OR13A1: variants seen among roughly 807,000 people sequenced by gnomAD.
OR13A1 encodes the protein olfactory receptor 13A1.
In OR13A1, 10 loss-of-function variants were observed where a neutral mutation model predicts 7.5. That is an observed-to-expected ratio of 1.34 (90% CI 0.83 to 2.27). OR13A1 has a LOEUF of 2.27. OR13A1 is among the 30% of genes most tolerant of loss of function. OR13A1 has a pLI of 0.00. For missense variants in OR13A1, 509 were observed against 419.1 expected (o/e 1.21, Z -1.87); for synonymous variants, 238 against 177.9 (o/e 1.34, Z -2.69).
chr10:45,304,099 G>C lies in OR13A1; in HGVS notation c.324C>G (p.Ser108Arg). Residue 108 changes from serine to arginine, a missense_variant, in exon 4 of 4, where the codon AGC (serine) becomes AGG (arginine). Ser to Arg is a moderately radical substitution (Grantham distance 110, BLOSUM62 -1). Coordinates refer to ENST00000553795, the MANE Select transcript of OR13A1 (RefSeq NM_001004297.3). ...CCATGCAGCCCCCGTAGGAGATGGA[G>C]CTCTCTTCCGACACCAGACTGGCCA... is the stretch of plus-strand genomic sequence containing the variant. ...KALASLVSEE[S>R]SISYGGCMAQ... 3 of 1,614,126 alleles carry C rather than the reference G, an allele frequency of 1.9e-6. No individual in the cohort carries two copies. Among genetic ancestry groups the C allele is most frequent in the Non-Finnish European group, 1.7e-6 (2 of 1,179,992 alleles).
chr10:45,303,746 A>G lies in OR13A1; in HGVS notation c.677T>C (p.Ile226Thr). The change falls in exon 4 of 4, where the codon ATA becomes ACA. Residue 226 changes from isoleucine (I) to threonine (T), a missense_variant. Transcript: ENST00000553795. ...MIVLADAFYG[I>T]VNFLMTIASY... is the part of the protein sequence containing the mutation. ...CGCGATGGTCATCAGGAAGTTCACT[A>G]TGCCGTAGAAAGCATCCGCCAGGAC... The G allele has an allele frequency of 6.2e-7, 1 of 1,614,182 alleles. No homozygotes were observed.
At chr10:45,315,502 A>G (rs1838507003) in intron 1 of OR13A1, 22 bp downstream of exon 1, 1 of 152,184 alleles carries the variant, frequency 6.6e-6, no homozygotes, top group Non-Finnish European at 1.5e-5. Flanking sequence ...GCCATATATG[A>G]AAAATCCACA....
At position 45,306,467 on chromosome 10, in the gene OR13A1, A is replaced by T. The variant is rs1838333713; in HGVS notation, c.-13+959T>A. Reference sequence around the variant, plus strand: ...GACTCCGTCTCAAAAAAAAAAAAAAAAGTTAACGAAGATATTCATTTTAAA... The same window carrying T: ...GACTCCGTCTCAAAAAAAAAAAAAATAGTTAACGAAGATATTCATTTTAAA... On this transcript the variant is annotated intron_variant, in intron 3 of 3. Coordinates refer to ENST00000553795, the MANE Select transcript of OR13A1 (RefSeq NM_001004297.3). Among the ~76,000 whole-genome samples, 3 of 136,332 alleles carry T rather than the reference A, an allele frequency of 2.2e-5. No individual in the cohort carries two copies. In the South Asian group the frequency reaches 6.7e-4, roughly 30 times the overall value. The allele number at this position is 136,332 out of a possible 152,430, so 89.4% of individuals were successfully genotyped here. A position where few individuals can be genotyped will look rare whatever the true frequency, so the allele number is the denominator to read the frequency against.
chr10:45,309,561 T>C (rs1794453294), intron 1 of OR13A1, among the ~76,000 whole-genome samples: 1 of 152,114 alleles, frequency 6.6e-6, no homozygotes, highest in Admixed American at 6.5e-5. Context: ...GTAAAATCTC[T>C]GAAAGTTACT....
chr10:45,307,630 C>A (rs10793613), intron 2 of OR13A1, 63 bp from the exon 3 acceptor site: 28,401 of 152,132 alleles, frequency 0.19, 4,047 homozygotes, highest in African/African-American at 0.4. Context: ...AATTCTCAGC[C>A]AGCATTACAA....
At chr10:45,313,300 C>G (rs1165003158) in intron 1 of OR13A1, among the ~76,000 whole-genome samples, 1 of 142,442 alleles carries the variant, frequency 7.0e-6, no homozygotes, top group African/African-American at 2.7e-5. Flanking sequence ...CAAAAGGAAA[C>G]AGGAAGGGAA....
At chr10:45,304,842 A>T (rs895771980) in intron 3 of OR13A1, among the ~76,000 whole-genome samples, 6 of 152,274 alleles carry the variant, frequency 3.9e-5, no homozygotes, top group Non-Finnish European at 5.9e-5. Context: ...GTGTCAGAGC[A>T]GCACTATTTA....
intron 3 of OR13A1, among the ~76,000 whole-genome samples, chr10:45,306,912 G>A (rs1838341843): frequency 1.3e-5 from 2 of 152,218 alleles, no homozygotes; most frequent in South Asian, 2.1e-4. Flanking sequence ...TACTTTCGCT[G>A]AGTTTGAGTT....
At chr10:45,308,830 T>C (rs947354145) in intron 1 of OR13A1, 2 of 152,180 alleles carry the variant, frequency 1.3e-5, no homozygotes, top group African/African-American at 2.4e-5. Context: ...CAACCTGTGA[T>C]AAGATCAGTC....
intron 1 of OR13A1, among the ~76,000 whole-genome samples, chr10:45,313,401 A>G (rs1838475520): frequency 6.6e-6 from 1 of 152,088 alleles, no homozygotes. Flanking sequence ...ACATACAGGA[A>G]ACAACAAAAT....
At chr10:45,313,560 A>G (rs1022388935) in intron 1 of OR13A1, among the ~76,000 whole-genome samples, 1 of 152,060 alleles carries the variant, frequency 6.6e-6, no homozygotes, top group Non-Finnish European at 1.5e-5. Flanking sequence ...TATGCTTAAA[A>G]TGAAAAAAAG....
intron 1 of OR13A1, among the ~76,000 whole-genome samples, chr10:45,314,877 C>T (rs556403524): frequency 3.4e-4 from 51 of 152,106 alleles, no homozygotes; most frequent in African/African-American, 9.9e-4. Context: ...GTAGAAAAAA[C>T]GAACAGACTT....
chr10:45,314,930 A>G (rs1838498566), intron 1 of OR13A1, among the ~76,000 whole-genome samples: 1 of 152,226 alleles, frequency 6.6e-6, no homozygotes. Flanking sequence ...ACCTCCAAAC[A>G]AACAACAGCC....
chr10:45,311,702 G>A (rs929052177), intron 1 of OR13A1, among the ~76,000 whole-genome samples: 2 of 152,020 alleles, frequency 1.3e-5, no homozygotes, highest in Non-Finnish European at 2.9e-5. Context: ...GGTAGGAGAA[G>A]GGAGAGGAAC....
Position 45,303,673 on chromosome 10 carries a change from C to G in OR13A1, c.750G>C (p.Trp250Cys), listed in dbSNP as rs138345815. Reference sequence around the variant, plus strand: ...AGGTGGAGAAGGCTTTCTGCCTCCCCCAGGCAGTCTTCACCTTCAGGATGC... The same window carrying G: ...AGGTGGAGAAGGCTTTCTGCCTCCCGCAGGCAGTCTTCACCTTCAGGATGC... ...VSSILKVKTA[W>C]GRQKAFSTCS... The change falls in exon 4 of 4, where the codon TGG (tryptophan) becomes TGC (cysteine). Residue 250 changes from tryptophan (W) to cysteine (C), a missense_variant. Transcript: ENST00000553795. The G allele has an allele frequency of 1.3e-5, 21 of 1,614,064 alleles. No homozygotes were observed. Among genetic ancestry groups the G allele is most frequent in the Non-Finnish European group, 1.6e-5 (19 of 1,180,040 alleles).
Position 45,304,157 on chromosome 10 carries a change from A to G in OR13A1, c.266T>C (p.Ile89Thr). 6.2e-7 allele frequency: 1 copy of G among 1,614,222 alleles called. No individual in the cohort carries two copies. ...FFLLNLATMD[I>T]ICTSSIMPKA... is the part of the protein sequence containing the mutation. ...GGGCATGATGGAAGAGGTGCAGATA[A>G]TGTCCATAGTAGCCAAGTTGAGTAA... The change falls in exon 4 of 4, where the codon ATT (isoleucine) becomes ACT (threonine). Residue 89 changes from isoleucine to threonine, a missense_variant. Physicochemically the swap from Ile to Thr is moderately conservative, Grantham distance 89. Transcript: ENST00000553795.
Position 45,314,813 on chromosome 10 carries a change from G to A in OR13A1, c.-225+711C>T, listed in dbSNP as rs577522335. 2.0e-5 allele frequency among the ~76,000 whole-genome samples: 3 copies of A among 152,260 alleles called. No individual in the cohort carries two copies. In the East Asian group the frequency reaches 5.8e-4, roughly 29 times the overall value. On this transcript the variant is annotated intron_variant, in intron 1 of 3. Transcript: ENST00000553795. ...ATATGTCAACAAATTGGATAATTTA[G>A]AAGTGCATAAATTTCTAGAAATATA...
At chr10:45,310,631 G>GA (rs1303232527) in intron 1 of OR13A1, among the ~76,000 whole-genome samples, 2 of 83,318 alleles carry the variant, frequency 2.4e-5, no homozygotes, top group Admixed American at 2.4e-4. Flanking sequence ...ATGGATTTTT[G>GA]GAAAAAAACT....
chr10:45,308,080 A>T (rs781599842), intron 1 of OR13A1, among the ~76,000 whole-genome samples: 1 of 152,212 alleles, frequency 6.6e-6, no homozygotes, highest in Non-Finnish European at 1.5e-5. Context: ...AAGCTGTTCA[A>T]TGATTTTCAC....
Sources: gnomAD v4.1 joint callset for allele counts (sites outside exome capture counted in the v4.1 genomes callset) on GRCh38, gnomAD v4.1.1 for gene constraint, MANE v1.5 for transcripts, NCBI Gene and HGNC (gene_info 2026-07-23, HGNC 2026-07-21) for gene names.